The following AMPH variants were observed in gnomAD, a reference collection of about 807,000 sequenced individuals.
The protein encoded by AMPH is amphiphysin.
A neutral mutation model predicts 99.1 loss-of-function variants in AMPH; 49 were observed. The ratio of observed to expected loss-of-function variants is 0.49; its 90% CI spans 0.39 to 0.63. The LOEUF (loss-of-function observed/expected upper bound fraction) is 0.63. AMPH is among the 20% of genes least tolerant of loss of function. AMPH has a pLI of 0.00. For synonymous variants in AMPH, 314 were observed against 317.3 expected (o/e 0.99, Z 0.11); for missense variants, 759 against 863.4 (o/e 0.88, Z 1.52).
At chr7:38,616,234 G>A (rs992056963) in intron 1 of AMPH, among the ~76,000 whole-genome samples, 3 of 151,918 alleles carry the variant, frequency 2.0e-5, no homozygotes, top group East Asian at 1.9e-4. Flanking sequence ...TGAGAGAAAC[G>A]TCCCTACGAT....
chr7:38,548,091 C>T (rs993069428), intron 1 of AMPH, among the ~76,000 whole-genome samples: 4 of 145,624 alleles, frequency 2.7e-5, no homozygotes, highest in Admixed American at 2.1e-4. Context: ...TGCAGTGGTG[C>T]GATCTCCGCT....
At chr7:38,618,645 T>C (rs985122031) in intron 1 of AMPH, among the ~76,000 whole-genome samples, 1 of 152,194 alleles carries the variant, frequency 6.6e-6, no homozygotes, top group South Asian at 2.1e-4. Context: ...AAAAATGTTA[T>C]ATACTATTGA....
intron 1 of AMPH, among the ~76,000 whole-genome samples, chr7:38,554,375 G>C (rs1239316745): frequency 6.6e-6 from 1 of 151,976 alleles, no homozygotes; most frequent in Non-Finnish European, 1.5e-5. Context: ...GAGCGTTTTT[G>C]TGAAGTCACA....
At chr7:38,625,907 T>C (rs1440863691) in intron 1 of AMPH, among the ~76,000 whole-genome samples, 1 of 152,208 alleles carries the variant, frequency 6.6e-6, no homozygotes, top group African/African-American at 2.4e-5. Flanking sequence ...TGCACTTTAT[T>C]CAATAAAAAT....
At chr7:38,463,956 G>A (rs1787553346) in intron 9 of AMPH, 5 of 784,040 alleles carry the variant, frequency 6.4e-6, no homozygotes, top group Non-Finnish European at 9.4e-6. Flanking sequence ...TATTCAAAGG[G>A]CTGAGGAAAC....
At chr7:38,396,382 G>C (rs1165703825) in intron 17 of AMPH, among the ~76,000 whole-genome samples, 1 of 152,182 alleles carries the variant, frequency 6.6e-6, no homozygotes, top group Non-Finnish European at 1.5e-5. Flanking sequence ...TGTAAGATGT[G>C]ACTTGCTCCT....
At chr7:38,591,492 G>A (rs1562848835) in intron 1 of AMPH, among the ~76,000 whole-genome samples, 3 of 151,918 alleles carry the variant, frequency 2.0e-5, no homozygotes, top group East Asian at 1.9e-4. Flanking sequence ...TTACCATGTT[G>A]GCCAGGCTGG....
chr7:38,453,806 C>T (rs1787126134), intron 11 of AMPH, among the ~76,000 whole-genome samples: 2 of 152,174 alleles, frequency 1.3e-5, no homozygotes, highest in Admixed American at 6.5e-5. Flanking sequence ...AGAGGATGCT[C>T]TTGGAGGGTC....
intron 17 of AMPH, among the ~76,000 whole-genome samples, chr7:38,402,004 T>A (rs1441170649): frequency 6.6e-6 from 1 of 152,152 alleles, no homozygotes; most frequent in Non-Finnish European, 1.5e-5. Flanking sequence ...TCTTTATGTG[T>A]TGGGAGAACT....
chr7:38,455,208 T>C (rs1787184834), intron 11 of AMPH, among the ~76,000 whole-genome samples: 1 of 152,032 alleles, frequency 6.6e-6, no homozygotes, highest in East Asian at 1.9e-4. Flanking sequence ...GTAGCTGGGA[T>C]TACAGGCATG....
chr7:38,519,360 C>T (rs1446550415), intron 2 of AMPH, among the ~76,000 whole-genome samples: 1 of 152,090 alleles, frequency 6.6e-6, no homozygotes, highest in Non-Finnish European at 1.5e-5. Context: ...AATGGAAATC[C>T]AGTATGAATT....
At chr7:38,427,915 A>T (rs1481595289) in intron 14 of AMPH, 1 of 456,664 alleles carries the variant, frequency 2.2e-6, no homozygotes, top group South Asian at 1.5e-5. Flanking sequence ...GATAAATCTG[A>T]GTTGTTGATG....
Position 38,462,991 on chromosome 7 carries a change from G to C in AMPH, c.872C>G (p.Pro291Arg). The change falls in exon 10 of 21, where the codon CCT (proline) becomes CGT (arginine). Residue 291 changes from proline (P) to arginine (R), a missense_variant. Physicochemically the swap from Pro to Arg is moderately radical, Grantham distance 103. This residue lies in a region of AMPH where 554 missense variants were observed against 575.6 expected (regional missense o/e 0.96). Transcript: ENST00000356264. ...TCTTCCTACCTGTGAAGGTGACCGA[G>C]GCCGTGCTGGTGCGGGAGACGCAGG... ...LAPASPAPAR[P>R]RSPSQTRKGP... is the part of the protein sequence containing the mutation. 1 of 1,585,720 alleles carries C rather than the reference G, an allele frequency of 6.3e-7. No individual in the cohort carries two copies. Among genetic ancestry groups the C allele is most frequent in the Non-Finnish European group, 8.6e-7 (1 of 1,166,428 alleles).
intron 1 of AMPH, among the ~76,000 whole-genome samples, chr7:38,588,084 T>TG (rs1409731016): frequency 2.0e-5 from 3 of 151,934 alleles, no homozygotes; most frequent in African/African-American, 7.3e-5. Context: ...CCCAAGTAGG[T>TG]GGACTACAGG....
chr7:38,397,815 A>C (rs1207402511), intron 17 of AMPH, among the ~76,000 whole-genome samples: 3 of 152,186 alleles, frequency 2.0e-5, no homozygotes, highest in African/African-American at 7.2e-5. Flanking sequence ...ATGGGGAAAA[A>C]ATCTAATAAT....
intron 1 of AMPH, among the ~76,000 whole-genome samples, chr7:38,556,808 A>AT (rs1791380395): frequency 6.6e-6 from 1 of 152,198 alleles, no homozygotes; most frequent in African/African-American, 2.4e-5. Context: ...TGTGCTAGAC[A>AT]TAAAGACGGC....
chr7:38,515,011 C>G (rs1433631720), intron 2 of AMPH, among the ~76,000 whole-genome samples: 2 of 151,970 alleles, frequency 1.3e-5, no homozygotes, highest in African/African-American at 2.4e-5. Context: ...AAGAGGAGAG[C>G]TATAGGAAAA....
chr7:38,507,083 A>G (rs973133065), intron 2 of AMPH, among the ~76,000 whole-genome samples: 3 of 152,246 alleles, frequency 2.0e-5, no homozygotes, highest in African/African-American at 7.2e-5. Flanking sequence ...GAACAAAGTT[A>G]TGTGAAATTA....
intron 7 of AMPH, among the ~76,000 whole-genome samples, chr7:38,473,095 A>G (rs1436405852): frequency 1.3e-5 from 2 of 152,220 alleles, no homozygotes; most frequent in Non-Finnish European, 2.9e-5. Flanking sequence ...CCAAAGTTTC[A>G]TAATTGGCAC....
Sources: allele counts gnomAD v4.1 joint callset (sites outside exome capture counted in the v4.1 genomes callset), GRCh38; gene constraint gnomAD v4.1.1; regional missense constraint gnomAD v4.1.1; transcripts MANE v1.5; gene names NCBI Gene and HGNC (gene_info 2026-07-23, HGNC 2026-07-21).